Variants in CCDC191 observed in about 807,000 individuals in gnomAD.
CCDC191 encodes coiled-coil domain containing 191, also known as coiled-coil domain-containing protein 191.
Under a neutral mutation model 114.0 loss-of-function variants are expected in CCDC191, and 99 were observed. The observed-to-expected ratio is 0.87, with a 90% CI of 0.74 to 1.03. CCDC191 has a LOEUF of 1.03. CCDC191 is among the 50% of genes least tolerant of loss of function. The pLI is 0.00. For synonymous variants in CCDC191, 351 were observed against 376.0 expected (o/e 0.93, Z 0.77); for missense variants, 973 against 1,087.0 (o/e 0.90, Z 1.47).
intron 8 of CCDC191, among the ~76,000 whole-genome samples, chr3:114,012,568 G>A (rs1490394578): frequency 6.6e-6 from 1 of 152,076 alleles, no homozygotes; most frequent in Non-Finnish European, 1.5e-5. Flanking sequence ...ACACAGGTAA[G>A]AACAAAGCTC....
At chr3:113,966,592 A>C (rs1052781225) in intron 16 of CCDC191, among the ~76,000 whole-genome samples, 2 of 152,198 alleles carry the variant, frequency 1.3e-5, no homozygotes, top group East Asian at 3.8e-4. Flanking sequence ...AAGCGAGAAT[A>C]GCATGCCGTG....
chr3:114,024,130 C>T (rs1405632452), intron 7 of CCDC191, among the ~76,000 whole-genome samples: 3 of 152,250 alleles, frequency 2.0e-5, no homozygotes, highest in Non-Finnish European at 2.9e-5. Context: ...CAGAGAAATG[C>T]AAATCAATAC....
chr3:113,973,230 T>C (rs1295450380), intron 16 of CCDC191, among the ~76,000 whole-genome samples: 1 of 152,220 alleles, frequency 6.6e-6, no homozygotes, highest in Non-Finnish European at 1.5e-5. Flanking sequence ...TTTGACTTTT[T>C]CTTGTTTTAG....
chr3:114,013,976 A>T lies in CCDC191; in HGVS notation c.1164-2955T>A, dbSNP rs144119577. On this transcript the variant is annotated intron_variant, in intron 8 of 16. Coordinates refer to ENST00000295878, the MANE Select transcript of CCDC191 (RefSeq NM_020817.2). ...TTTCCTGAGAATCTAATTCAATTTAAAACAACCCTGAAAATATAGAACAAA... is the reference window on the plus strand; with the variant it reads ...TTTCCTGAGAATCTAATTCAATTTATAACAACCCTGAAAATATAGAACAAA... Among the ~76,000 whole-genome samples, 517 of 152,322 alleles carry T rather than the reference A, an allele frequency of 3.4e-3. 2 individuals carry two copies. Among genetic ancestry groups the T allele is most frequent in the African/African-American group, 0.012 (497 of 41,564 alleles).
rs768569928 is a variant in CCDC191 at position 114,056,478 on chromosome 3, G to C, written c.-12C>G. On this transcript the variant is annotated 5_prime_UTR_variant, in exon 1 of 17. Coordinates refer to ENST00000295878, the MANE Select transcript of CCDC191 (RefSeq NM_020817.2). The stretch of plus-strand genomic sequence containing the variant: ...GGCGCCAGGAGCATTTTCCAAGTTC[G>C]AGCCCGAACCTCGGCCAAAGCTGCA... The C allele has an allele frequency of 8.7e-6, 14 of 1,613,850 alleles. No homozygotes were observed. The highest frequency in any genetic ancestry group is 1.2e-5 in the Non-Finnish European group (14 of 1,180,016).
intron 8 of CCDC191, among the ~76,000 whole-genome samples, chr3:114,018,282 A>AAT (rs1455938040): frequency 6.6e-6 from 1 of 152,222 alleles, no homozygotes; most frequent in Non-Finnish European, 1.5e-5. Context: ...GGAAAATCCT[A>AAT]ATACTTGCTT....
At chr3:114,029,292 A>G (rs1031963664) in intron 7 of CCDC191, among the ~76,000 whole-genome samples, 1 of 152,204 alleles carries the variant, frequency 6.6e-6, no homozygotes, top group Admixed American at 6.5e-5. Flanking sequence ...ATAAGCAAGT[A>G]AACAACAACA....
chr3:113,991,671 G>A (rs2075570846), intron 13 of CCDC191, among the ~76,000 whole-genome samples: 1 of 152,144 alleles, frequency 6.6e-6, no homozygotes, highest in Non-Finnish European at 1.5e-5. Flanking sequence ...TAACTAATGT[G>A]ATAAGGCAAG....
chr3:113,967,536 TGGG>T (rs1181742001), intron 16 of CCDC191, among the ~76,000 whole-genome samples: 1 of 152,200 alleles, frequency 6.6e-6, no homozygotes, highest in Non-Finnish European at 1.5e-5. Flanking sequence ...ATACATATTT[TGGG>T]GGTACATGTA....
At chr3:114,041,104 G>C (rs1403267197) in intron 4 of CCDC191, among the ~76,000 whole-genome samples, 2 of 150,982 alleles carry the variant, frequency 1.3e-5, no homozygotes, top group Non-Finnish European at 2.9e-5. Flanking sequence ...CTAAGTAAAG[G>C]GATATAATTA....
intron 7 of CCDC191, among the ~76,000 whole-genome samples, chr3:114,021,699 G>C (rs1354408573): frequency 6.6e-6 from 1 of 151,964 alleles, no homozygotes; most frequent in Non-Finnish European, 1.5e-5. Flanking sequence ...CTTACTTCCT[G>C]ATGCTCCCAG....
chr3:114,053,826 C>T (rs2076729893), intron 1 of CCDC191, among the ~76,000 whole-genome samples, 191 bp from the exon 2 acceptor site: 1 of 152,128 alleles, frequency 6.6e-6, no homozygotes, highest in South Asian at 2.1e-4. Flanking sequence ...AACATGAAGC[C>T]TTCCTGGGAC....
In CCDC191 at chr3:113,965,157, A is replaced by G; in HGVS notation, c.2809T>C (p.Ter937ArgextTer5). 6.3e-7 allele frequency: 1 copy of G among 1,593,526 alleles called. No homozygotes were observed. ...SLSKTSLVNE* is the reference protein window; with the variant it reads ...SLSKTSLVNER ...CCTAAATATTACACTAATCTGGCTC[A>G]TTCGTTCACCAGACTTGTCTTACTC... Residue 937 changes from the stop codon to arginine (R), a stop_lost, in exon 17 of 17, where the codon TGA becomes CGA. Transcript: ENST00000295878.
At chr3:113,979,963 T>G (rs2075082918) in intron 14 of CCDC191, among the ~76,000 whole-genome samples, 1 of 152,236 alleles carries the variant, frequency 6.6e-6, no homozygotes, top group South Asian at 2.1e-4. Flanking sequence ...ATTACTGTTC[T>G]GTTCTCTCTA....
intron 15 of CCDC191, chr3:113,978,582 A>G: frequency 5.1e-6 from 3 of 583,712 alleles, no homozygotes; most frequent in South Asian, 4.8e-5. Flanking sequence ...GAGCACTGTG[A>G]GACAAGAAAC....
intron 7 of CCDC191, among the ~76,000 whole-genome samples, chr3:114,027,754 T>C (rs1377063877): frequency 2.0e-5 from 3 of 152,244 alleles, no homozygotes; most frequent in Admixed American, 1.3e-4. Flanking sequence ...ACAGGGTTTG[T>C]ACCAGTGAAA....
chr3:113,971,892 A>G (rs1046244388), intron 16 of CCDC191, among the ~76,000 whole-genome samples: 2 of 152,060 alleles, frequency 1.3e-5, no homozygotes, highest in African/African-American at 4.8e-5. Flanking sequence ...CTGTTTCTTC[A>G]TCATTCAATC....
chr3:114,046,229 T>C (rs1056383231), intron 3 of CCDC191, among the ~76,000 whole-genome samples: 5 of 152,228 alleles, frequency 3.3e-5, no homozygotes, highest in Non-Finnish European at 5.9e-5. Context: ...AAACTGTTTT[T>C]AGGGTCTCTT....
chr3:114,001,465 G>A (rs187964673), intron 13 of CCDC191, 130 bp downstream of exon 13: 77 of 1,299,628 alleles, frequency 5.9e-5, no homozygotes, highest in Admixed American at 4.8e-4. Flanking sequence ...AAGTAAGATA[G>A]AGAAAAGAAG....
Sources: gnomAD v4.1 joint callset for allele counts (sites outside exome capture counted in the v4.1 genomes callset) on GRCh38, gnomAD v4.1.1 for gene constraint, MANE v1.5 for transcripts, NCBI Gene and HGNC (gene_info 2026-07-23, HGNC 2026-07-21) for gene names.